CSMD1: variants seen among roughly 807,000 people sequenced by gnomAD.
The protein encoded by CSMD1 is CUB and sushi domain-containing protein 1.
Under a neutral mutation model 417.5 loss-of-function variants are expected in CSMD1, and 213 were observed. The ratio of observed to expected loss-of-function variants is 0.51; its 90% CI spans 0.46 to 0.57. The LOEUF (loss-of-function observed/expected upper bound fraction) is 0.57, where lower values mean the gene tolerates loss of function less well. CSMD1 is among the 20% of genes least tolerant of loss of function. The probability of loss-of-function intolerance (pLI) is 0.00; values close to 1 mark genes in which losing one functional copy is unlikely to be tolerated. For synonymous variants in CSMD1, 2,862 were observed against 1,736.8 expected (o/e 1.65, Z -16.11); for missense variants, 6,923 against 4,529.7 (o/e 1.53, Z -15.17).
At chr8:4,011,637 T>G (rs1457843341) in intron 4 of CSMD1, among the ~76,000 whole-genome samples, 1 of 152,192 alleles carries the variant, frequency 6.6e-6, no homozygotes, top group Non-Finnish European at 1.5e-5. Flanking sequence ...TTCCTCATCC[T>G]TGAATTCTTT....
chr8:4,230,586 A>G (rs550298385), intron 3 of CSMD1, among the ~76,000 whole-genome samples: 2 of 152,278 alleles, frequency 1.3e-5, no homozygotes, highest in Non-Finnish European at 2.9e-5. Context: ...CACATCCTTA[A>G]TGTTCATGGC....
At chr8:3,837,278 G>C (rs945777231) in intron 5 of CSMD1, among the ~76,000 whole-genome samples, 11 of 152,216 alleles carry the variant, frequency 7.2e-5, no homozygotes, top group African/African-American at 2.4e-4. Flanking sequence ...TTATTAGATA[G>C]ATGAATCTCT....
intron 6 of CSMD1, among the ~76,000 whole-genome samples, chr8:3,722,063 C>T (rs1001823739): frequency 1.3e-5 from 2 of 152,128 alleles, no homozygotes; most frequent in Admixed American, 6.6e-5. Context: ...AAGGAAGAGG[C>T]CGGGCAAAGT....
At chr8:3,179,145 A>T (rs11780330) in intron 37 of CSMD1, among the ~76,000 whole-genome samples, 8 of 148,926 alleles carry the variant, frequency 5.4e-5, no homozygotes, top group South Asian at 2.2e-4. Context: ...CGGGGTTTCA[A>T]CGTGTTAGCC....
intron 1 of CSMD1, among the ~76,000 whole-genome samples, chr8:4,956,895 C>G (rs1320138141): frequency 6.6e-6 from 1 of 152,166 alleles, no homozygotes; most frequent in Non-Finnish European, 1.5e-5. Context: ...CAATCCCCAA[C>G]CAGGCGCTCT....
At chr8:3,425,668 T>A (rs886966036) in intron 12 of CSMD1, among the ~76,000 whole-genome samples, 1 of 152,082 alleles carries the variant, frequency 6.6e-6, no homozygotes, top group African/African-American at 2.4e-5. Context: ...CCAGAGAGTT[T>A]TCATTACTCT....
chr8:3,992,589 G>A (rs1359198333), intron 5 of CSMD1, among the ~76,000 whole-genome samples: 22 of 152,126 alleles, frequency 1.4e-4, no homozygotes, highest in Admixed American at 1.4e-3. Context: ...TTTGAGACCA[G>A]CTTGGGCAAC....
At chr8:3,074,505 A>C (rs1353085006) in intron 49 of CSMD1, among the ~76,000 whole-genome samples, 1 of 152,178 alleles carries the variant, frequency 6.6e-6, no homozygotes, top group Admixed American at 6.5e-5. Flanking sequence ...AAGCCGTCAC[A>C]CCTGTAGTGG....
chr8:4,961,743 C>T (rs116903661), intron 1 of CSMD1, among the ~76,000 whole-genome samples: 266 of 152,166 alleles, frequency 1.7e-3, no homozygotes, highest in Admixed American at 3.9e-3. Flanking sequence ...CTGAGTTTCA[C>T]AACATTTTCA....
intron 4 of CSMD1, among the ~76,000 whole-genome samples, chr8:3,998,355 T>C (rs1432419193): frequency 6.6e-6 from 1 of 152,248 alleles, no homozygotes. Flanking sequence ...CGGTGGCTTT[T>C]CTGAAACATG....
chr8:3,407,728 T>A (rs993789780), intron 14 of CSMD1, among the ~76,000 whole-genome samples, 171 bp downstream of exon 14: 2 of 152,212 alleles, frequency 1.3e-5, no homozygotes, highest in African/African-American at 2.4e-5. Flanking sequence ...GTGATACATT[T>A]GTTTTTAAGT....
chr8:4,656,441 A>T (rs1333738633), intron 1 of CSMD1, among the ~76,000 whole-genome samples: 1 of 152,062 alleles, frequency 6.6e-6, no homozygotes, highest in South Asian at 2.1e-4. Flanking sequence ...TTATCCACGT[A>T]AAGCTTAAAG....
At chr8:4,813,466 G>T (rs774730205) in intron 1 of CSMD1, among the ~76,000 whole-genome samples, 10 of 152,020 alleles carry the variant, frequency 6.6e-5, no homozygotes, top group Non-Finnish European at 1.2e-4. Flanking sequence ...ACAACAGAAC[G>T]TATCAAAAAA....
chr8:3,721,054 C>G (rs575578689), intron 6 of CSMD1, among the ~76,000 whole-genome samples: 1 of 152,064 alleles, frequency 6.6e-6, no homozygotes, highest in Non-Finnish European at 1.5e-5. Flanking sequence ...AACTCCCGAC[C>G]TTGGGTGATC....
At chr8:3,212,781 T>A (rs1797688282) in intron 30 of CSMD1, among the ~76,000 whole-genome samples, 1 of 151,866 alleles carries the variant, frequency 6.6e-6, no homozygotes, top group African/African-American at 2.4e-5. Context: ...GCCAGGGAAG[T>A]AGGTTTTGTT....
intron 8 of CSMD1, among the ~76,000 whole-genome samples, chr8:3,595,079 G>C (rs992524547): frequency 6.6e-6 from 1 of 152,150 alleles, no homozygotes. Flanking sequence ...TAAAATAAAT[G>C]CTTTAGGTAT....
chr8:3,558,167 A>T (rs1445928566), intron 10 of CSMD1, among the ~76,000 whole-genome samples: 1 of 149,996 alleles, frequency 6.7e-6, no homozygotes, highest in African/African-American at 2.5e-5. Context: ...CCTCAATAGC[A>T]CCCCGTGTCC....
chr8:4,395,719 A>T (rs1804156905), intron 3 of CSMD1, among the ~76,000 whole-genome samples: 2 of 152,154 alleles, frequency 1.3e-5, no homozygotes, highest in Admixed American at 1.3e-4. Flanking sequence ...TCTTTGTAAA[A>T]TTAGCAGCTA....
intron 5 of CSMD1, among the ~76,000 whole-genome samples, chr8:3,860,704 A>G (rs1804641646): frequency 6.6e-6 from 1 of 152,208 alleles, no homozygotes; most frequent in Admixed American, 6.5e-5. Flanking sequence ...TGTAAGATGA[A>G]CTAAATGCAA....
Sources: allele counts gnomAD v4.1 joint callset (sites outside exome capture counted in the v4.1 genomes callset), GRCh38; gene constraint gnomAD v4.1.1; transcripts MANE v1.5; gene names NCBI Gene and HGNC (gene_info 2026-07-23, HGNC 2026-07-21).